Variants in NUDCD1 observed in about 807,000 individuals in gnomAD.
NUDCD1 encodes NudC domain containing 1.
Under a neutral mutation model 67.8 loss-of-function variants are expected in NUDCD1, and 60 were observed. That is an observed-to-expected ratio of 0.88 (90% CI 0.72 to 1.10). NUDCD1 has a LOEUF of 1.10. NUDCD1 is among the 50% of genes least tolerant of loss of function. The pLI, the probability that NUDCD1 is intolerant of heterozygous loss-of-function variation, is 0.00. For missense variants in NUDCD1, 643 were observed against 695.0 expected, an observed-to-expected ratio of 0.93 and a Z score of 0.84; for synonymous variants, 244 against 230.8, an observed-to-expected ratio of 1.06 and a Z score of -0.52.
chr8:109,266,750 C>T (rs79169933), intron 8 of NUDCD1, among the ~76,000 whole-genome samples: 3,155 of 152,138 alleles, frequency 0.021, 102 homozygotes, highest in African/African-American at 0.071. Flanking sequence ...TTGTGCTTTA[C>T]ACTTCAGTGA....
intron 4 of NUDCD1, among the ~76,000 whole-genome samples, chr8:109,290,510 C>T (rs1213500671): frequency 6.6e-6 from 1 of 152,096 alleles, no homozygotes; most frequent in Non-Finnish European, 1.5e-5. Context: ...ATTTTTCTGC[C>T]TGCTCTAACT....
chr8:109,322,525 T>C, intron 1 of NUDCD1, 62 bp from the exon 2 acceptor site: 2 of 1,331,880 alleles, frequency 1.5e-6, no homozygotes, highest in South Asian at 2.9e-5. Flanking sequence ...TTTCTATCTG[T>C]AGAATGCCTA....
chr8:109,291,457 A>G (rs528027838), intron 4 of NUDCD1, among the ~76,000 whole-genome samples: 32 of 152,238 alleles, frequency 2.1e-4, no homozygotes, highest in Non-Finnish European at 3.1e-4. Context: ...AACTTTTTTT[A>G]CTCACAATTT....
chr8:109,245,293 T>C (rs753786072), intron 9 of NUDCD1, 29 bp downstream of exon 9: 12 of 1,581,244 alleles, frequency 7.6e-6, no homozygotes, highest in South Asian at 1.2e-5. Context: ...TCTGATTTCA[T>C]GGAAAATGTC....
intron 2 of NUDCD1, among the ~76,000 whole-genome samples, chr8:109,310,948 T>C (rs1815233080): frequency 1.3e-5 from 2 of 151,432 alleles, no homozygotes; most frequent in African/African-American, 4.8e-5. Flanking sequence ...CCCGAGTAGC[T>C]GGGACTACAG....
At position 109,334,065 on chromosome 8, in the gene NUDCD1, G is replaced by A; in HGVS notation, c.-55C>T. The A allele has an allele frequency of 1.1e-5, 17 of 1,609,810 alleles. No individual in the cohort carries two copies. Among genetic ancestry groups the A allele is most frequent in the South Asian group, 4.4e-5 (4 of 90,756 alleles). The stretch of plus-strand genomic sequence containing the variant: ...ATAAAGCCCTTGTTGAAAGGTCCGC[G>A]CTTCACGCCTCGCACAGAGACTGGG... On this transcript the variant is annotated 5_prime_UTR_variant, in exon 1 of 10. Transcript: ENST00000239690.
chr8:109,279,512 C>T (rs1382036331), intron 6 of NUDCD1, among the ~76,000 whole-genome samples: 1 of 152,120 alleles, frequency 6.6e-6, no homozygotes, highest in Non-Finnish European at 1.5e-5. Flanking sequence ...AAGATGAATA[C>T]TGTGAATATT....
At chr8:109,316,058 A>T (rs1229303282) in intron 2 of NUDCD1, 1 of 152,230 alleles carries the variant, frequency 6.6e-6, no homozygotes, top group African/African-American at 2.4e-5. Context: ...TAACAGAAAC[A>T]AATTAGCTTT....
intron 1 of NUDCD1, 34 bp downstream of exon 1, chr8:109,333,859 G>A: frequency 6.2e-7 from 1 of 1,611,370 alleles, no homozygotes; most frequent in South Asian, 1.1e-5. Context: ...AAAGGGGAAA[G>A]GAACGGAGTA....
intron 8 of NUDCD1, among the ~76,000 whole-genome samples, chr8:109,266,995 C>T (rs1333235266): frequency 6.6e-6 from 1 of 152,126 alleles, no homozygotes; most frequent in Admixed American, 6.6e-5. Flanking sequence ...TACTAACCTT[C>T]CCATGTAAGG....
intron 8 of NUDCD1, among the ~76,000 whole-genome samples, chr8:109,260,468 G>C (rs150884637): frequency 6.6e-6 from 1 of 152,182 alleles, no homozygotes; most frequent in African/African-American, 2.4e-5. Context: ...CCTAAAGTCT[G>C]GGATTATCGG....
At chr8:109,313,548 C>T (rs1029262605) in intron 2 of NUDCD1, among the ~76,000 whole-genome samples, 7 of 152,094 alleles carry the variant, frequency 4.6e-5, no homozygotes, top group African/African-American at 1.7e-4. Flanking sequence ...AAATACATTA[C>T]TATTTTAAGA....
chr8:109,296,288 A>G, intron 3 of NUDCD1, 96 bp downstream of exon 3: 2 of 967,538 alleles, frequency 2.1e-6, no homozygotes, highest in Non-Finnish European at 3.3e-6. Flanking sequence ...AACAGATCAC[A>G]TGTAAACCAT....
chr8:109,271,179 G>C, intron 7 of NUDCD1, 49 bp from the exon 8 acceptor site: 1 of 1,294,208 alleles, frequency 7.7e-7, no homozygotes, highest in African/African-American at 1.5e-5. Flanking sequence ...AATAAACAAG[G>C]GAATGGGTTT....
chr8:109,293,835 T>G (rs528840743), intron 3 of NUDCD1, among the ~76,000 whole-genome samples: 1 of 152,200 alleles, frequency 6.6e-6, no homozygotes, highest in African/African-American at 2.4e-5. Context: ...TTCCTGTTTT[T>G]TGTTTGTTAT....
At chr8:109,258,001 G>T (rs934466147) in intron 8 of NUDCD1, among the ~76,000 whole-genome samples, 9 of 152,020 alleles carry the variant, frequency 5.9e-5, no homozygotes, top group African/African-American at 2.2e-4. Context: ...TTGAAAAATA[G>T]ATGTTAATTT....
intron 2 of NUDCD1, among the ~76,000 whole-genome samples, chr8:109,312,072 G>A (rs948664048): frequency 2.6e-5 from 4 of 152,114 alleles, no homozygotes; most frequent in Non-Finnish European, 4.4e-5. Context: ...TGGGGCCAAG[G>A]CAGGCGAATC....
chr8:109,275,744 G>A (rs960703465), intron 6 of NUDCD1, among the ~76,000 whole-genome samples: 8 of 152,138 alleles, frequency 5.3e-5, no homozygotes, highest in African/African-American at 2.4e-5. Context: ...GGCCTGAAGA[G>A]AGGATTGCCT....
chr8:109,328,700 T>G (rs1392683166), intron 1 of NUDCD1, among the ~76,000 whole-genome samples: 3 of 152,192 alleles, frequency 2.0e-5, no homozygotes, highest in Non-Finnish European at 4.4e-5. Flanking sequence ...GCACTGCTCC[T>G]GATCGGACTA....
Sources: allele counts gnomAD v4.1 joint callset (sites outside exome capture counted in the v4.1 genomes callset), GRCh38; gene constraint gnomAD v4.1.1; transcripts MANE v1.5; gene names NCBI Gene and HGNC (gene_info 2026-07-23, HGNC 2026-07-21).